Variants in MYOM2 observed in about 807,000 individuals in gnomAD.
The protein encoded by MYOM2 is myomesin 2.
MYOM2 carries 254 observed loss-of-function variants against 187.6 expected under a neutral mutation model. That is an observed-to-expected ratio of 1.35 (90% CI 1.22 to 1.50). MYOM2 has a LOEUF of 1.50. Ranked by LOEUF, MYOM2 falls within the 40% of genes most tolerant of loss-of-function variation. The probability of loss-of-function intolerance (pLI) is 0.00; values close to 1 mark genes in which losing one functional copy is unlikely to be tolerated. For synonymous variants in MYOM2, 981 were observed against 753.8 expected (o/e 1.30, Z -4.94); for missense variants, 2,796 against 1,924.0 (o/e 1.45, Z -8.48).
rs780196572 is a variant in MYOM2 at position 2,109,433 on chromosome 8, G to A, written c.3082G>A (p.Asp1028Asn). ...ATCGGAATTAGCTTATGAGATTTTT[G>A]ATAAGGGGCGGGTTCGCTTCTGGCT... ...LKSELAYEIFDKGRVRFWLQA... is the reference protein window; with the variant it reads ...LKSELAYEIFNKGRVRFWLQA... Residue 1028 changes from aspartate to asparagine, a missense_variant, in exon 25 of 37, where the codon GAT becomes AAT. Physicochemically the swap from Asp to Asn is conservative, Grantham distance 23 (BLOSUM62 1). Transcript: ENST00000262113. The A allele has an allele frequency of 6.2e-7, 1 of 1,610,604 alleles. No homozygotes were observed. Among genetic ancestry groups the A allele is most frequent in the Non-Finnish European group, 8.5e-7 (1 of 1,178,742 alleles).
intron 13 of MYOM2, 143 bp downstream of exon 13, chr8:2,079,756 G>T: frequency 1.1e-6 from 1 of 870,424 alleles, no homozygotes; most frequent in Admixed American, 1.9e-5. Context: ...AGGCCTGCAA[G>T]CCCAGTGTCC....
intron 11 of MYOM2, among the ~76,000 whole-genome samples, chr8:2,078,054 C>G (rs1819494645): frequency 6.6e-6 from 1 of 152,156 alleles, no homozygotes; most frequent in Non-Finnish European, 1.5e-5. Context: ...ATTTTCTGAA[C>G]TAGCTCTTTT....
At chr8:2,047,506 C>T (rs911058158) in intron 1 of MYOM2, among the ~76,000 whole-genome samples, 4 of 152,274 alleles carry the variant, frequency 2.6e-5, no homozygotes, top group East Asian at 3.9e-4. Flanking sequence ...GCTACTCTCC[C>T]GAGCCAGGAG....
chr8:2,047,493 CTTGCTACTCT>C (rs1818347781), intron 1 of MYOM2, among the ~76,000 whole-genome samples: 1 of 152,186 alleles, frequency 6.6e-6, no homozygotes, highest in African/African-American at 2.4e-5. Flanking sequence ...AAGACTTGAG[CTTGCTACTCT>C]CCCGAGCCAG....
intron 17 of MYOM2, among the ~76,000 whole-genome samples, chr8:2,094,454 C>A (rs563517281): frequency 6.6e-6 from 1 of 152,228 alleles, no homozygotes; most frequent in Admixed American, 6.5e-5. Context: ...GAGATTGAGA[C>A]CATCCTGGCC....
intron 6 of MYOM2, among the ~76,000 whole-genome samples, chr8:2,060,595 A>G (rs991378783): frequency 6.6e-6 from 1 of 152,164 alleles, no homozygotes. Flanking sequence ...CAGTGAGTGC[A>G]TCATTGTTAG....
At chr8:2,050,696 G>A in intron 1 of MYOM2, 59 bp from the exon 2 acceptor site, 1 of 987,720 alleles carries the variant, frequency 1.0e-6, no homozygotes, top group Non-Finnish European at 1.6e-6. Context: ...ATGCAGAAAT[G>A]GCAGAGGCCT....
At chr8:2,130,358 T>C (rs866582665) in intron 32 of MYOM2, among the ~76,000 whole-genome samples, 12 of 116,622 alleles carry the variant, frequency 1.0e-4, no homozygotes, top group African/African-American at 5.0e-4. Flanking sequence ...CCGCCTTTAG[T>C]TAACGCCCCT....
chr8:2,124,848 G>A (rs1797582500), intron 31 of MYOM2, among the ~76,000 whole-genome samples: 1 of 152,128 alleles, frequency 6.6e-6, no homozygotes, highest in South Asian at 2.1e-4. Context: ...GATTAGAGAT[G>A]TTCAGTATTT....
intron 28 of MYOM2, among the ~76,000 whole-genome samples, chr8:2,122,225 C>G (rs933412432): frequency 6.6e-6 from 1 of 152,190 alleles, no homozygotes; most frequent in African/African-American, 2.4e-5. Flanking sequence ...AGTCGTGGAG[C>G]CTCAGCCGCA....
At chr8:2,139,268 A>G (rs796335751) in intron 32 of MYOM2, among the ~76,000 whole-genome samples, 1 of 152,114 alleles carries the variant, frequency 6.6e-6, no homozygotes, top group Admixed American at 6.5e-5. Context: ...CAGCCTCCTG[A>G]GTAGCTGAGA....
chr8:2,120,675 T>TATGTTA (rs1220891042), intron 28 of MYOM2, among the ~76,000 whole-genome samples: 1 of 41,422 alleles, frequency 2.4e-5, no homozygotes, highest in South Asian at 7.8e-4. Context: ...TATATATATA[T>TATGTTA]TATATTATAT....
rs144741005 is a variant in MYOM2, at chr8:2,144,669, G to C, written c.4086G>C (p.Leu1362Phe). The change falls in exon 37 of 37, where the codon TTG becomes TTC. Residue 1362 changes from leucine to phenylalanine, a missense_variant. Transcript: ENST00000262113. ...CCAACCTCTTCCGTCCAAAGACCTTGAATCTGACCTGCACGGTGTTTGGAA... is the reference window on the plus strand; with the variant it reads ...CCAACCTCTTCCGTCCAAAGACCTTCAATCTGACCTGCACGGTGTTTGGAA... Reference protein sequence around the residue: ...DVVTIMEGKTLNLTCTVFGNP... With the variant: ...DVVTIMEGKTFNLTCTVFGNP... The C allele has an allele frequency of 1.5e-5, 24 of 1,613,544 alleles. No individual in the cohort carries two copies. The highest frequency in any genetic ancestry group is 1.9e-5 in the Non-Finnish European group (22 of 1,179,928).
chr8:2,071,615 G>C (rs1363943706), intron 8 of MYOM2, among the ~76,000 whole-genome samples: 1 of 152,146 alleles, frequency 6.6e-6, no homozygotes, highest in South Asian at 2.1e-4. Flanking sequence ...ACACGATCAG[G>C]TTCTCAGCCC....
intron 31 of MYOM2, among the ~76,000 whole-genome samples, chr8:2,125,784 A>G (rs978079625): frequency 6.6e-6 from 1 of 150,922 alleles, no homozygotes; most frequent in African/African-American, 2.4e-5. Flanking sequence ...ATTTTTTTGC[A>G]TTTTTAGTAG....
chr8:2,109,669 A>C (rs751143654), intron 25 of MYOM2, 138 bp downstream of exon 25: 3 of 920,288 alleles, frequency 3.3e-6, no homozygotes, highest in Non-Finnish European at 3.1e-6. Flanking sequence ...GAAGGTTGAC[A>C]AGATGAATGG....
chr8:2,145,330 C>G lies in MYOM2; in HGVS notation c.*349C>G. The G allele has an allele frequency of 2.9e-6, 1 of 350,034 alleles. No individual in the cohort carries two copies. The highest frequency in any genetic ancestry group is 5.1e-6 in the Non-Finnish European group (1 of 195,482). The allele number at this position is 350,034 out of a possible 1,614,324, so 21.7% of individuals were successfully genotyped here. A position where few individuals can be genotyped will look rare whatever the true frequency, so the allele number is the denominator to read the frequency against. The stretch of plus-strand genomic sequence containing the variant: ...CATGTGGCGGTCTGTGTGAAGCCAC[C>G]GTGCTTCTCTTTGGGGGGCCGCGAG... On this transcript the variant is annotated 3_prime_UTR_variant, in exon 37 of 37. Coordinates refer to ENST00000262113, the MANE Select transcript of MYOM2 (RefSeq NM_003970.4).
intron 19 of MYOM2, among the ~76,000 whole-genome samples, chr8:2,099,526 C>T (rs10092320): frequency 0.37 from 55,929 of 151,592 alleles, 11,173 homozygotes; most frequent in East Asian, 0.52. Context: ...CTGGGGATCT[C>T]GGGGCTTCTG....
intron 19 of MYOM2, among the ~76,000 whole-genome samples, chr8:2,099,882 T>A (rs192491072): frequency 2.0e-5 from 3 of 152,238 alleles, no homozygotes; most frequent in Non-Finnish European, 2.9e-5. Context: ...TGTTTTCCAA[T>A]GTTATGGCCA....
Sources: gnomAD v4.1 joint callset for allele counts (sites outside exome capture counted in the v4.1 genomes callset) on GRCh38, gnomAD v4.1.1 for gene constraint, MANE v1.5 for transcripts, NCBI Gene and HGNC (gene_info 2026-07-23, HGNC 2026-07-21) for gene names.